UTP18: variants seen among roughly 807,000 people sequenced by gnomAD.
UTP18 encodes the protein UTP18 small subunit processome component.
UTP18 carries 36 observed loss-of-function variants against 61.1 expected under a neutral mutation model. That is an observed-to-expected ratio of 0.59 (90% CI 0.45 to 0.78). The LOEUF (loss-of-function observed/expected upper bound fraction) is 0.78. Among genes scored for constraint, UTP18 ranks in the 30% least tolerant of loss-of-function variants. The pLI, the probability that UTP18 is intolerant of heterozygous loss-of-function variation, is 0.00. For synonymous variants in UTP18, 282 were observed against 251.1 expected (o/e 1.12, Z -1.16); for missense variants, 753 against 693.9 (o/e 1.09, Z -0.96).
chr17:51,286,273 C>G (rs987818446), intron 10 of UTP18, among the ~76,000 whole-genome samples: 1 of 152,128 alleles, frequency 6.6e-6, no homozygotes, highest in Non-Finnish European at 1.5e-5. Flanking sequence ...TTGGATACTT[C>G]GCAGTAATTC....
intron 6 of UTP18, among the ~76,000 whole-genome samples, chr17:51,276,888 C>T (rs1219465731): frequency 6.6e-6 from 1 of 152,200 alleles, no homozygotes; most frequent in Non-Finnish European, 1.5e-5. Flanking sequence ...GGCACGCCAC[C>T]TCCTCAGCAC....
intron 3 of UTP18, among the ~76,000 whole-genome samples, chr17:51,266,885 A>G (rs1424004377): frequency 6.6e-6 from 1 of 152,038 alleles, no homozygotes; most frequent in Non-Finnish European, 1.5e-5. Context: ...TTGAGGTAGG[A>G]TCTCACTCTG....
intron 1 of UTP18, 53 bp downstream of exon 1, chr17:51,260,979 G>A (rs2055450220): frequency 7.1e-7 from 1 of 1,399,826 alleles, no homozygotes; most frequent in African/African-American, 1.5e-5. Context: ...GGCGCGCGGT[G>A]GGCGGTGAAG....
intron 9 of UTP18, among the ~76,000 whole-genome samples, chr17:51,280,884 A>G (rs1597849434): frequency 6.6e-6 from 1 of 151,068 alleles, no homozygotes; most frequent in Non-Finnish European, 1.5e-5. Flanking sequence ...AAACAAAAGC[A>G]AAAAAACCTA....
At chr17:51,262,320 G>A (rs1418812033) in intron 1 of UTP18, among the ~76,000 whole-genome samples, 1 of 151,972 alleles carries the variant, frequency 6.6e-6, no homozygotes, top group African/African-American at 2.4e-5. Context: ...TCCTGACCTC[G>A]TGATCCGCCC....
chr17:51,282,714 A>G (rs1193671152), intron 9 of UTP18, among the ~76,000 whole-genome samples: 1 of 152,178 alleles, frequency 6.6e-6, no homozygotes, highest in Non-Finnish European at 1.5e-5. Flanking sequence ...AAATTTGGTC[A>G]TGGCTGTGGA....
At chr17:51,285,085 AAAG>A (rs1905061896) in intron 9 of UTP18, among the ~76,000 whole-genome samples, 157 bp from the exon 10 acceptor site, 1 of 152,048 alleles carries the variant, frequency 6.6e-6, no homozygotes, top group African/African-American at 2.4e-5. Context: ...GGAAAAAAGA[AAAG>A]AAATATTCTT....
At chr17:51,263,619 G>T (rs545325490) in intron 2 of UTP18, among the ~76,000 whole-genome samples, 1 of 152,260 alleles carries the variant, frequency 6.6e-6, no homozygotes, top group African/African-American at 2.4e-5. Flanking sequence ...GTAGCTAAGA[G>T]AATACAGTGT....
chr17:51,275,819 TG>T, intron 5 of UTP18, 46 bp from the exon 6 acceptor site: 1 of 1,515,024 alleles, frequency 6.6e-7, no homozygotes, highest in Non-Finnish European at 8.8e-7. Context: ...AAGAAAATAA[TG>T]TTTATTCATT....
At position 51,277,207 on chromosome 17, in the gene UTP18, T is replaced by TA. The variant is rs767076120; in HGVS notation, c.917dup (p.Asn306LysfsTer19). On this transcript the variant is annotated frameshift_variant, in exon 7 of 14. Coordinates refer to ENST00000225298, the MANE Select transcript of UTP18 (RefSeq NM_016001.3). LOFTEE classifies it high-confidence loss of function. ...CAATCTTTAAGGCTTGTTTTAGTGC[T>TA]AATGGGGAAGAAGTTTTAGCCACGA... The TA allele has an allele frequency of 1.2e-5, 19 of 1,614,192 alleles. No homozygotes were observed. Among genetic ancestry groups the TA allele is most frequent in the Non-Finnish European group, 1.6e-5 (19 of 1,180,028 alleles).
intron 1 of UTP18, among the ~76,000 whole-genome samples, chr17:51,262,907 G>C (rs1180394376): frequency 6.6e-6 from 1 of 152,190 alleles, no homozygotes; most frequent in Non-Finnish European, 1.5e-5. Flanking sequence ...GGAAAATGGA[G>C]ATATCTTTGA....
In UTP18 at chr17:51,288,156, G is replaced by C; in HGVS notation, c.1456G>C (p.Glu486Gln). ...VTSLTFNPTT[E>Q]ILAIASEKMK... ...TTCTCTGACCTTCAATCCTACTACA[G>C]AAATCTTGGCAATTGCTTCAGAAAA... Residue 486 changes from glutamate to glutamine, a missense_variant, in exon 11 of 14, where the codon GAA (glutamate) becomes CAA (glutamine). By Grantham distance (29) the Glu-to-Gln change is conservative. Transcript: ENST00000225298. The C allele has an allele frequency of 6.2e-7, 1 of 1,603,416 alleles. No individual in the cohort carries two copies. The highest frequency in any genetic ancestry group is 8.5e-7 in the Non-Finnish European group (1 of 1,177,404).
intron 7 of UTP18, among the ~76,000 whole-genome samples, chr17:51,277,971 C>T (rs1002298533): frequency 3.9e-5 from 6 of 152,136 alleles, no homozygotes; most frequent in African/African-American, 4.8e-5. Context: ...GCGTATGGCA[C>T]GGCTCACTGG....
rs1249845777 is a variant in UTP18, at chr17:51,266,177, TG to T, written c.456-4del. On this transcript the variant is annotated splice_polypyrimidine_tract_variant and splice_region_variant and intron_variant, in intron 2 of 13. Transcript: ENST00000225298. The stretch of plus-strand genomic sequence containing the variant: ...TATTTAAAATATGCTGTTCTGTTTT[TG>T]TAGGGTTGACATGATGAACAATCGG... 6.3e-7 allele frequency: 1 copy of T among 1,576,590 alleles called. No homozygotes were observed. The highest frequency in any genetic ancestry group is 8.6e-7 in the Non-Finnish European group (1 of 1,167,682).
In UTP18 at chr17:51,260,631, G is replaced by GAGCGAAGCCGA; in HGVS notation, c.52_62dup (p.Lys22SerfsTer8). On this transcript the variant is annotated frameshift_variant, in exon 1 of 14. Coordinates refer to ENST00000225298, the MANE Select transcript of UTP18 (RefSeq NM_016001.3). LOFTEE classifies it high-confidence loss of function. The stretch of plus-strand genomic sequence containing the variant: ...CGAATGAAACTGGACCGGAGAACCG[G>GAGCGAAGCCGA]AGCGAAGCCGAAGCGGAAGCCCGGA... 2.5e-6 allele frequency: 4 copies of GAGCGAAGCCGA among 1,612,664 alleles called. No homozygotes were observed. The highest frequency in any genetic ancestry group is 3.4e-6 in the Non-Finnish European group (4 of 1,179,748).
intron 3 of UTP18, among the ~76,000 whole-genome samples, chr17:51,268,067 C>T (rs1598475111): frequency 1.4e-5 from 2 of 145,474 alleles, no homozygotes; most frequent in South Asian, 4.3e-4. Flanking sequence ...TGGAGTGCAG[C>T]GGCGTGATCG....
chr17:51,282,126 A>C (rs1041270923), intron 9 of UTP18, among the ~76,000 whole-genome samples: 6 of 152,208 alleles, frequency 3.9e-5, no homozygotes, highest in Admixed American at 1.3e-4. Context: ...TAGTATAGCT[A>C]ATGCTGTGTT....
intron 11 of UTP18, among the ~76,000 whole-genome samples, chr17:51,291,057 T>C (rs1409903451): frequency 1.3e-5 from 2 of 152,202 alleles, no homozygotes; most frequent in African/African-American, 4.8e-5. Context: ...GAGCTTTTAC[T>C]TGTTGAATTT....
intron 10 of UTP18, chr17:51,286,513 A>G (rs546354214): frequency 4.4e-6 from 2 of 456,284 alleles, no homozygotes; most frequent in African/African-American, 2.0e-5. Context: ...TTGTATATAT[A>G]TCCCTACCAC....
Sources: allele counts gnomAD v4.1 joint callset (sites outside exome capture counted in the v4.1 genomes callset), GRCh38; gene constraint gnomAD v4.1.1; transcripts MANE v1.5; gene names NCBI Gene and HGNC (gene_info 2026-07-23, HGNC 2026-07-21).